DST: variants seen among roughly 807,000 people sequenced by gnomAD.
DST encodes bullous pemphigoid antigen.
DST carries 253 observed loss-of-function variants against 875.2 expected under a neutral mutation model. The observed-to-expected ratio is 0.29, with a 90% CI of 0.26 to 0.32. The LOEUF is 0.32. Ranked by LOEUF, DST falls within the 10% of genes least tolerant of loss-of-function variation. The pLI is 1.00. For synonymous variants in DST, 3,124 were observed against 3,197.1 expected (o/e 0.98, Z 0.77); for missense variants, 8,287 against 9,111.6 (o/e 0.91, Z 3.68).
At chr6:56,938,094 CTCTCTCTCTCTCTCTATATA>C (rs1259588146) in intron 2 of DST, among the ~76,000 whole-genome samples, 2 of 24,880 alleles carry the variant, frequency 8.0e-5, no homozygotes, top group Non-Finnish European at 2.3e-4. Flanking sequence ...CTCTCTCTCT[CTCTCTCTCTCTCTCTATATA>C]TATATATATA....
Position 56,560,393 on chromosome 6 carries a change from T to C in DST, c.14341A>G (p.Asn4781Asp). ...SFEAELKQNV[N>D]KVQELKDKLT... ...TTGTCTTTCAACTCCTGTACTTTGTTTACATTCTGCTTCAGTTCTGCCTCA... is the reference window on the plus strand; with the variant it reads ...TTGTCTTTCAACTCCTGTACTTTGTCTACATTCTGCTTCAGTTCTGCCTCA... Residue 4781 changes from asparagine (N) to aspartate (D), a missense_variant, in exon 58 of 104, where the codon AAC (asparagine) becomes GAC (aspartate). Transcript: ENST00000680361. 6.2e-7 allele frequency: 1 copy of C among 1,603,110 alleles called. No individual in the cohort carries two copies. The highest frequency in any genetic ancestry group is 1.1e-5 in the South Asian group (1 of 89,390).
At chr6:56,844,364 C>G (rs1188850217) in intron 4 of DST, among the ~76,000 whole-genome samples, 2 of 152,328 alleles carry the variant, frequency 1.3e-5, no homozygotes, top group East Asian at 3.9e-4. Context: ...CTGGGCTCCG[C>G]GGCGGGCCTA....
chr6:56,530,213 A>G, intron 64 of DST, 80 bp from the exon 65 acceptor site: 1 of 1,116,732 alleles, frequency 9.0e-7, no homozygotes, highest in South Asian at 2.4e-5. Context: ...TGCTCTTGCA[A>G]TCTATTCTAA....
chr6:56,803,116 G>T (rs929581144), intron 4 of DST, among the ~76,000 whole-genome samples: 7 of 152,122 alleles, frequency 4.6e-5, no homozygotes, highest in African/African-American at 1.4e-4. Context: ...CAAAAATCAG[G>T]GAAGTGGATG....
At chr6:56,689,382 T>C (rs1195487020) in intron 9 of DST, among the ~76,000 whole-genome samples, 2 of 152,136 alleles carry the variant, frequency 1.3e-5, no homozygotes, top group African/African-American at 2.4e-5. Context: ...ACATTGCTTA[T>C]CAGAAAACCT....
At chr6:56,770,825 A>G (rs2099655754) in intron 4 of DST, among the ~76,000 whole-genome samples, 2 of 151,810 alleles carry the variant, frequency 1.3e-5, no homozygotes, top group Admixed American at 1.3e-4. Context: ...ACATGGAGAA[A>G]CCCCGTCTCT....
chr6:56,484,185 C>T (rs1030453159), intron 88 of DST: 4 of 152,098 alleles, frequency 2.6e-5, no homozygotes, highest in South Asian at 2.1e-4. Context: ...AGTAACATTA[C>T]GCTATTCATT....
At chr6:56,769,626 G>C (rs1337789236) in intron 4 of DST, among the ~76,000 whole-genome samples, 1 of 152,084 alleles carries the variant, frequency 6.6e-6, no homozygotes, top group East Asian at 1.9e-4. Context: ...GACCAGCCTG[G>C]GCAACATGGC....
intron 69 of DST, among the ~76,000 whole-genome samples, chr6:56,522,861 G>C (rs2096732753): frequency 6.6e-6 from 1 of 152,056 alleles, no homozygotes; most frequent in Admixed American, 6.6e-5. Flanking sequence ...ATTGCTCTGA[G>C]GCTTAAAGAA....
At chr6:56,894,962 G>C (rs2127674162) in intron 3 of DST, among the ~76,000 whole-genome samples, 1 of 99,500 alleles carries the variant, frequency 1.0e-5, no homozygotes, top group South Asian at 2.7e-4. Flanking sequence ...CCCGGACGGG[G>C]CGGCTGGCCA....
intron 2 of DST, among the ~76,000 whole-genome samples, chr6:56,934,560 T>TTTTTATATATATATATATA (rs869186436): frequency 2.8e-5 from 3 of 106,486 alleles, no homozygotes; most frequent in African/African-American, 1.1e-4. Context: ...ATATATTATA[T>TTTTTATATATATATATATA]TATATATATA....
intron 9 of DST, among the ~76,000 whole-genome samples, chr6:56,683,579 C>T (rs1401862110): frequency 1.3e-5 from 2 of 152,132 alleles, no homozygotes; most frequent in African/African-American, 2.4e-5. Context: ...TGACATGGCA[C>T]GTATCAGGTG....
chr6:56,647,688 G>GTTGTTTTTTTTTTTTTTTTTTTTTTTT (rs1491402943), intron 13 of DST, among the ~76,000 whole-genome samples: 5 of 126,884 alleles, frequency 3.9e-5, no homozygotes, highest in African/African-American at 1.3e-4. Context: ...TTTTTGTAAT[G>GTTGTTTTTTTTTTTTTTTTTTTTTTTT]TTTTTTTTTT....
At chr6:56,812,069 T>A (rs2099760638) in intron 4 of DST, among the ~76,000 whole-genome samples, 1 of 125,448 alleles carries the variant, frequency 8.0e-6, no homozygotes, top group African/African-American at 3.0e-5. Context: ...ACCACTGCAC[T>A]CCAGCCTGGG....
Position 56,871,732 on chromosome 6 carries a change from C to T in DST, c.418-20128G>A, listed in dbSNP as rs1231619632. ...AAGAAACTGAAGAAACAAAAACTTA[C>T]AGCACAGGAGTAAATTCAGCGTTAA... On this transcript the variant is annotated intron_variant, in intron 3 of 103. Coordinates refer to ENST00000680361, the MANE Select transcript of DST (RefSeq NM_001374736.1). The T allele has an allele frequency of 2.6e-5, 13 of 495,924 alleles. No individual in the cohort carries two copies. The East Asian group carries it at 5.2e-4, about 20-fold the overall frequency. The allele number at this position is 495,924 out of a possible 1,614,324, so 30.7% of individuals were successfully genotyped here.
chr6:56,560,598 T>G (rs1021623321), intron 57 of DST, among the ~76,000 whole-genome samples, 175 bp from the exon 58 acceptor site: 2 of 152,148 alleles, frequency 1.3e-5, no homozygotes, highest in African/African-American at 4.8e-5. Context: ...TCTTAGCTAG[T>G]GTTCAATTGT....
rs2098510956 is a variant in DST, at chr6:56,607,722, T to C, written c.6906A>G (p.Glu2302=). 6.2e-7 allele frequency: 1 copy of C among 1,613,536 alleles called. No homozygotes were observed. Among genetic ancestry groups the C allele is most frequent in the Non-Finnish European group, 8.5e-7 (1 of 1,179,696 alleles). The part of the protein sequence containing the change: ...TPENRKCAID[E]EFNEMRNTVI... ...CAGTATTTCTCATTTCATTAAATTC[T>C]TCATCTATAGCACACTTTCTATTTT... is the stretch of plus-strand genomic sequence containing the variant. The change falls in exon 40 of 104, where the codon GAA becomes GAG. Residue 2302 remains glutamate, a synonymous_variant. Transcript: ENST00000680361.
At chr6:56,813,176 T>C (rs1439672880) in intron 4 of DST, among the ~76,000 whole-genome samples, 4 of 140,376 alleles carry the variant, frequency 2.8e-5, no homozygotes, top group East Asian at 4.2e-4. Flanking sequence ...TAGGTGGGAA[T>C]TGAACAATGA....
At chr6:56,620,455 G>A (rs1383704951) in intron 36 of DST, 37 of 1,614,062 alleles carry the variant, frequency 2.3e-5, no homozygotes, top group Non-Finnish European at 3.1e-5. Context: ...GGTACTGCTT[G>A]GCTTCACTTT....
Sources: allele counts gnomAD v4.1 joint callset (sites outside exome capture counted in the v4.1 genomes callset), GRCh38; gene constraint gnomAD v4.1.1; transcripts MANE v1.5; gene names NCBI Gene and HGNC (gene_info 2026-07-23, HGNC 2026-07-21).